Variants in RBFOX1 observed in about 807,000 individuals in gnomAD.
RBFOX1 encodes RNA binding protein fox-1 homolog 1.
In RBFOX1, 8 loss-of-function variants were observed where a neutral mutation model predicts 57.7. The ratio of observed to expected loss-of-function variants is 0.14; its 90% CI spans 0.08 to 0.25. The LOEUF (loss-of-function observed/expected upper bound fraction) is 0.25, where lower values mean the gene tolerates loss of function less well. RBFOX1 is among the 10% of genes least tolerant of loss of function. The pLI, the probability that RBFOX1 is intolerant of heterozygous loss-of-function variation, is 1.00. For missense variants in RBFOX1, 611 were observed against 548.5 expected (o/e 1.11, Z -1.14); for synonymous variants, 326 against 222.4 (o/e 1.47, Z -4.15).
At chr16:5,550,244 A>T (rs1413333484) in intron 2 of RBFOX1, among the ~76,000 whole-genome samples, 2 of 152,206 alleles carry the variant, frequency 1.3e-5, no homozygotes, top group Non-Finnish European at 2.9e-5. Flanking sequence ...ACTGAACTGT[A>T]GGATCTCAAG....
chr16:7,295,960 G>T (rs1047546488), intron 4 of RBFOX1, among the ~76,000 whole-genome samples: 1 of 152,074 alleles, frequency 6.6e-6, no homozygotes, highest in Non-Finnish European at 1.5e-5. Flanking sequence ...AACCTGTGGG[G>T]GTAAAGAGAA....
intron 1 of RBFOX1, among the ~76,000 whole-genome samples, chr16:5,431,680 T>A (rs989807283): frequency 6.6e-5 from 10 of 152,162 alleles, no homozygotes; most frequent in Non-Finnish European, 2.9e-5. Context: ...GCCGCTGGTT[T>A]ATTTTTTATT....
chr16:5,636,860 C>T (rs1277698136), intron 3 of RBFOX1, among the ~76,000 whole-genome samples: 1 of 152,186 alleles, frequency 6.6e-6, no homozygotes, highest in Non-Finnish European at 1.5e-5. Flanking sequence ...ATTCTCAAAA[C>T]CCACAAATTA....
At chr16:5,619,921 A>G (rs2048153896) in intron 3 of RBFOX1, among the ~76,000 whole-genome samples, 1 of 149,808 alleles carries the variant, frequency 6.7e-6, no homozygotes. Context: ...TACAGCCATT[A>G]TTTTTTACTG....
chr16:7,552,115 T>C (rs191039905), intron 5 of RBFOX1, among the ~76,000 whole-genome samples: 2 of 152,186 alleles, frequency 1.3e-5, no homozygotes, highest in Non-Finnish European at 2.9e-5. Context: ...CCACCACCCG[T>C]TTTTAATTCC....
chr16:7,350,477 G>T (rs1478979687), intron 4 of RBFOX1, among the ~76,000 whole-genome samples: 1 of 152,116 alleles, frequency 6.6e-6, no homozygotes, highest in East Asian at 1.9e-4. Context: ...TTTGATCTAG[G>T]GGAAATGGCA....
At chr16:5,483,664 C>T (rs959780477) in intron 2 of RBFOX1, among the ~76,000 whole-genome samples, 7 of 152,142 alleles carry the variant, frequency 4.6e-5, no homozygotes, top group African/African-American at 2.4e-5. Flanking sequence ...AGCTGAAATT[C>T]GCCTTCTGAT....
At chr16:5,363,936 C>T (rs1009570146) in intron 1 of RBFOX1, among the ~76,000 whole-genome samples, 5 of 152,324 alleles carry the variant, frequency 3.3e-5, no homozygotes, top group African/African-American at 1.2e-4. Context: ...ACCACAACTC[C>T]AGCTGGTCTC....
intron 1 of RBFOX1, among the ~76,000 whole-genome samples, chr16:6,108,546 G>A (rs1164983952): frequency 6.6e-6 from 1 of 152,104 alleles, no homozygotes; most frequent in African/African-American, 2.4e-5. Flanking sequence ...GATGGATTAG[G>A]AAGCAGACAC....
At chr16:7,380,303 C>T (rs891844045) in intron 4 of RBFOX1, among the ~76,000 whole-genome samples, 2 of 152,226 alleles carry the variant, frequency 1.3e-5, no homozygotes, top group South Asian at 4.1e-4. Context: ...CCTTCCCTTT[C>T]TTCCTCCCCC....
chr16:7,362,487 G>A (rs1345089952), intron 4 of RBFOX1, among the ~76,000 whole-genome samples: 1 of 149,718 alleles, frequency 6.7e-6, no homozygotes, highest in Non-Finnish European at 1.5e-5. Flanking sequence ...TGTGTTTTGT[G>A]TATATGTTAG....
Position 6,820,961 on chromosome 16 carries a change from G to C in RBFOX1, c.-16+166311G>C, listed in dbSNP as rs377623851. 3.3e-5 allele frequency among the ~76,000 whole-genome samples: 5 copies of C among 152,246 alleles called. No individual in the cohort carries two copies. In the South Asian group the frequency reaches 8.3e-4, roughly 25 times the overall value. On this transcript the variant is annotated intron_variant, in intron 3 of 15. Coordinates refer to ENST00000550418, the MANE Select transcript of RBFOX1 (RefSeq NM_018723.4). ...ATGATAATTAAAGCTACCAGTTATT[G>C]AATTTGTATTATGTGTTATATACAG...
chr16:6,079,668 C>T (rs538823431), intron 1 of RBFOX1, among the ~76,000 whole-genome samples: 4 of 151,938 alleles, frequency 2.6e-5, no homozygotes, highest in Non-Finnish European at 5.9e-5. Context: ...GACCCCGTTT[C>T]TACAAAAAAA....
At chr16:6,556,179 G>A (rs1460457367) in intron 2 of RBFOX1, among the ~76,000 whole-genome samples, 3 of 152,086 alleles carry the variant, frequency 2.0e-5, no homozygotes, top group African/African-American at 2.4e-5. Flanking sequence ...AAACGTGGGC[G>A]GCATTGACTT....
At chr16:6,560,859 A>G (rs1386435679) in intron 2 of RBFOX1, among the ~76,000 whole-genome samples, 1 of 152,162 alleles carries the variant, frequency 6.6e-6, no homozygotes, top group East Asian at 1.9e-4. Flanking sequence ...AGTGCTTGGC[A>G]TGTTGCTGTC....
intron 1 of RBFOX1, among the ~76,000 whole-genome samples, chr16:5,375,082 G>A (rs1395680381): frequency 1.0e-5 from 1 of 95,704 alleles, no homozygotes; most frequent in Admixed American, 1.3e-4. Context: ...GATTTTAAAT[G>A]GCCAAAAAAA....
chr16:6,394,664 G>T (rs1336198268), intron 2 of RBFOX1, among the ~76,000 whole-genome samples: 1 of 149,658 alleles, frequency 6.7e-6, no homozygotes, highest in East Asian at 1.9e-4. Flanking sequence ...ATATATATAT[G>T]ATATATATGA....
At chr16:7,338,756 T>G (rs1371730766) in intron 4 of RBFOX1, among the ~76,000 whole-genome samples, 1 of 152,230 alleles carries the variant, frequency 6.6e-6, no homozygotes, top group Admixed American at 6.5e-5. Flanking sequence ...GTAACCATCC[T>G]TATAGAAAGA....
chr16:6,652,261 C>A (rs1568053582), intron 2 of RBFOX1, among the ~76,000 whole-genome samples: 1 of 152,056 alleles, frequency 6.6e-6, no homozygotes, highest in African/African-American at 2.4e-5. Flanking sequence ...GCATCCTGGC[C>A]AATATGGTGA....
Sources: allele counts gnomAD v4.1 joint callset (sites outside exome capture counted in the v4.1 genomes callset), GRCh38; gene constraint gnomAD v4.1.1; transcripts MANE v1.5; gene names NCBI Gene and HGNC (gene_info 2026-07-23, HGNC 2026-07-21).